MYO1F: variants seen among roughly 807,000 people sequenced by gnomAD.
MYO1F encodes the protein myosin IF, also known as unconventional myosin-If.
A neutral mutation model predicts 146.6 loss-of-function variants in MYO1F; 60 were observed. The observed-to-expected ratio is 0.41, with a 90% confidence interval of 0.33 to 0.51. MYO1F has a LOEUF of 0.51. Among genes scored for constraint, MYO1F ranks in the 20% least tolerant of loss-of-function variants. The probability of loss-of-function intolerance (pLI) is 0.25; values close to 1 mark genes in which losing one functional copy is unlikely to be tolerated. For missense variants in MYO1F, 1,274 were observed against 1,534.3 expected (o/e 0.83, Z 2.83); for synonymous variants, 602 against 602.1 (o/e 1.00, Z 0.00).
chr19:8,522,337 A>C, intron 27 of MYO1F, 40 bp downstream of exon 27: 2 of 1,612,730 alleles, frequency 1.2e-6, no homozygotes, highest in Non-Finnish European at 1.7e-6. Context: ...CAGGGTTCTT[A>C]CCACTCCCCT....
chr19:8,553,916 T>TCTCTCTCTCTCG lies in MYO1F; in HGVS notation c.327-480_327-479insCGAGAGAGAGAG, dbSNP rs1555726922. Among the ~76,000 whole-genome samples the TCTCTCTCTCTCG allele has an allele frequency of 2.8e-4, 39 of 141,546 alleles. 1 individual carries two copies. Among genetic ancestry groups the TCTCTCTCTCTCG allele is most frequent in the African/African-American group, 8.8e-4 (35 of 39,882 alleles). The allele number at this position is 141,546 out of a possible 152,430, so 92.9% of individuals were successfully genotyped here. A position where few individuals can be genotyped will look rare whatever the true frequency, so the allele number is the denominator to read the frequency against. Reference sequence around the variant, plus strand: ...CACACTCTCTCTCTCTCTCTCTCTCTCTCTCTCGCTCTCTTTCTCTCTCTC... The same window carrying TCTCTCTCTCTCG: ...CACACTCTCTCTCTCTCTCTCTCTCTCTCTCTCTCTCGCTCTCTCGCTCTCTTTCTCTCTCTC... On this transcript the variant is annotated intron_variant, in intron 4 of 27. Transcript: ENST00000644032.
chr19:8,566,234 C>T (rs188589240), intron 1 of MYO1F, among the ~76,000 whole-genome samples: 6 of 130,360 alleles, frequency 4.6e-5, no homozygotes, highest in African/African-American at 1.7e-4. Context: ...GTGGCATGAT[C>T]TCGGCTCACT....
intron 19 of MYO1F, among the ~76,000 whole-genome samples, chr19:8,535,692 T>C (rs1972675422): frequency 6.6e-6 from 1 of 151,998 alleles, no homozygotes; most frequent in African/African-American, 2.4e-5. Context: ...TTTCTTTTTT[T>C]TTTTTGAGAC....
chr19:8,529,325 GGT>G (rs1159687867), intron 21 of MYO1F, among the ~76,000 whole-genome samples: 2 of 152,112 alleles, frequency 1.3e-5, no homozygotes, highest in African/African-American at 4.8e-5. Context: ...GGCCCGCCCA[GGT>G]ACAGGTGACG....
chr19:8,558,140 T>C (rs60199031), intron 1 of MYO1F, among the ~76,000 whole-genome samples: 6,901 of 152,000 alleles, frequency 0.045, 515 homozygotes, highest in African/African-American at 0.15. Flanking sequence ...TTTCATTTCA[T>C]TTCCTCTCTC....
chr19:8,537,419 G>A (rs1161989913), intron 16 of MYO1F, among the ~76,000 whole-genome samples: 1 of 152,054 alleles, frequency 6.6e-6, no homozygotes, highest in East Asian at 1.9e-4. Context: ...AGGTACCTTG[G>A]GTGTTTGTTT....
At chr19:8,543,846 GTGGTGGTGGTGC>G (rs1973157163) in intron 14 of MYO1F, among the ~76,000 whole-genome samples, 1 of 39,126 alleles carries the variant, frequency 2.6e-5, no homozygotes, top group African/African-American at 1.5e-4. Context: ...GGTGGTGGTG[GTGGTGGTGGTGC>G]TGGTGGTGCT....
At chr19:8,558,555 T>C (rs948499086) in intron 1 of MYO1F, among the ~76,000 whole-genome samples, 43 of 152,176 alleles carry the variant, frequency 2.8e-4, no homozygotes, top group African/African-American at 1.0e-3. Context: ...CTGGTTGCTC[T>C]CCTTTTAGCC....
chr19:8,575,564 G>A (rs2042225445), intron 1 of MYO1F, among the ~76,000 whole-genome samples: 1 of 152,038 alleles, frequency 6.6e-6, no homozygotes, highest in Non-Finnish European at 1.5e-5. Context: ...CTAACAGACA[G>A]ACCATGGCCC....
intron 25 of MYO1F, among the ~76,000 whole-genome samples, chr19:8,525,023 C>T (rs1320471181): frequency 6.6e-6 from 1 of 151,768 alleles, no homozygotes; most frequent in African/African-American, 2.4e-5. Context: ...CGTGGTGAAA[C>T]CCTGTCTCTA....
intron 1 of MYO1F, among the ~76,000 whole-genome samples, chr19:8,570,227 G>A (rs550553204): frequency 6.6e-6 from 1 of 151,298 alleles, no homozygotes; most frequent in Admixed American, 6.6e-5. Flanking sequence ...CGTGCACAAC[G>A]CCTGGCTAAT....
intron 1 of MYO1F, among the ~76,000 whole-genome samples, chr19:8,564,433 T>TG (rs1233623446): frequency 6.6e-6 from 1 of 151,944 alleles, no homozygotes; most frequent in Non-Finnish European, 1.5e-5. Flanking sequence ...TGAGAGTCCC[T>TG]GGGGTGCGTC....
intron 1 of MYO1F, among the ~76,000 whole-genome samples, chr19:8,568,418 G>A (rs866714561): frequency 1.5e-3 from 47 of 30,742 alleles, no homozygotes; most frequent in African/African-American, 7.8e-3. Flanking sequence ...GTGAGACTCC[G>A]TCTCAAAAAA....
In MYO1F at chr19:8,550,835, G is replaced by T. The variant is rs779415968; in HGVS notation, c.772-141C>A. The T allele has an allele frequency of 8.4e-6, 9 of 1,074,392 alleles. No individual in the cohort carries two copies. The African/African-American group carries it at 1.4e-4, about 17-fold the overall frequency. The allele number at this position is 1,074,392 out of a possible 1,614,324, so 66.6% of individuals were successfully genotyped here. The stretch of plus-strand genomic sequence containing the variant: ...GTCCTACCCCTTTCAGTCACTTGCC[G>T]CGTGACCTTGGGTAAGTGCCTGCAC... On this transcript the variant is annotated intron_variant, in intron 8 of 27. Coordinates refer to ENST00000644032, the MANE Select transcript of MYO1F (RefSeq NM_012335.4).
intron 13 of MYO1F, 49 bp downstream of exon 13, chr19:8,545,601 G>T: frequency 6.8e-7 from 1 of 1,477,594 alleles, no homozygotes; most frequent in Non-Finnish European, 9.5e-7. Context: ...TCCAGACTCA[G>T]CTCAGGGGAC....
At chr19:8,555,601 A>G (rs1973815933) in intron 2 of MYO1F, 58 bp downstream of exon 2, 3 of 1,611,282 alleles carry the variant, frequency 1.9e-6, no homozygotes, top group Non-Finnish European at 2.5e-6. Context: ...CTCTCCGTCC[A>G]TGGCCCAGCC....
chr19:8,532,938 ACACACACACAC>A (rs1972550295), intron 19 of MYO1F, among the ~76,000 whole-genome samples: 2 of 150,800 alleles, frequency 1.3e-5, no homozygotes, highest in African/African-American at 4.9e-5. Context: ...ACACACACAC[ACACACACACAC>A]AATTGGGCTT....
intron 1 of MYO1F, among the ~76,000 whole-genome samples, chr19:8,571,381 G>T (rs1555731823): frequency 6.6e-6 from 1 of 152,040 alleles, no homozygotes; most frequent in East Asian, 1.9e-4. Context: ...AGGGGAGCAG[G>T]GGGACTGGAC....
At position 8,522,311 on chromosome 19, in the gene MYO1F, C is replaced by T. The variant is rs139911601; in HGVS notation, c.3220+66G>A. The T allele has an allele frequency of 8.5e-3, 13,651 of 1,603,674 alleles. 184 individuals are homozygous for T. The highest frequency in any genetic ancestry group is 0.012 in the Middle Eastern group (72 of 6,052). The stretch of plus-strand genomic sequence containing the variant: ...TGCTGGGATTACAGGCGTGAGCCAC[C>T]GCGCCCGGCCGATGTCAGGGTTCTT... On this transcript the variant is annotated intron_variant, in intron 27 of 27. Transcript: ENST00000644032.
Sources: allele counts gnomAD v4.1 joint callset (sites outside exome capture counted in the v4.1 genomes callset), GRCh38; gene constraint gnomAD v4.1.1; transcripts MANE v1.5; gene names NCBI Gene and HGNC (gene_info 2026-07-23, HGNC 2026-07-21).